The following DIP2C variants were observed in gnomAD, a reference collection of about 807,000 sequenced individuals.
DIP2C encodes disco-interacting protein 2 homolog C.
Under a neutral mutation model 192.4 loss-of-function variants are expected in DIP2C, and 33 were observed. The observed-to-expected ratio is 0.17, with a 90% CI of 0.13 to 0.23. DIP2C has a LOEUF of 0.23. Among genes scored for constraint, DIP2C ranks in the 10% least tolerant of loss-of-function variants. DIP2C has a pLI of 1.00. For missense variants in DIP2C, 1,537 were observed against 2,110.1 expected (o/e 0.73, Z 5.32); for synonymous variants, 979 against 864.1 (o/e 1.13, Z -2.33).
intron 29 of DIP2C, among the ~76,000 whole-genome samples, chr10:330,079 A>C (rs929575992): frequency 1.3e-5 from 2 of 152,218 alleles, no homozygotes; most frequent in Non-Finnish European, 2.9e-5. Flanking sequence ...AGTGGCTTTG[A>C]GCTGAGTGGT....
At chr10:545,468 CTTA>C (rs977616890) in intron 1 of DIP2C, among the ~76,000 whole-genome samples, 1 of 152,078 alleles carries the variant, frequency 6.6e-6, no homozygotes, top group Non-Finnish European at 1.5e-5. Flanking sequence ...GACTGGTGTT[CTTA>C]TAATAGAGAA....
At chr10:324,259 A>C (rs1023715393) in intron 31 of DIP2C, among the ~76,000 whole-genome samples, 2 of 152,230 alleles carry the variant, frequency 1.3e-5, no homozygotes, top group Non-Finnish European at 2.9e-5. Context: ...GTAAAATTTG[A>C]CATAGGCTGA....
chr10:648,360 A>G lies in DIP2C; in HGVS notation c.85+41134T>C, dbSNP rs543380858. ...ATTGGATGGTGGGAGAGAACAGAGC[A>G]AAACTGAGTCCACGTCCACACTGGA... On this transcript the variant is annotated intron_variant, in intron 1 of 36. Transcript: ENST00000280886. Among the ~76,000 whole-genome samples, 957 of 127,146 alleles carry G rather than the reference A, an allele frequency of 7.5e-3. 8 individuals carry two copies. The highest frequency in any genetic ancestry group is 0.026 in the African/African-American group (865 of 33,598). The allele number at this position is 127,146 out of a possible 152,430, so 83.4% of individuals were successfully genotyped here.
chr10:556,997 C>G (rs1033150941), intron 1 of DIP2C, among the ~76,000 whole-genome samples: 1 of 152,216 alleles, frequency 6.6e-6, no homozygotes, highest in African/African-American at 2.4e-5. Context: ...CAGGGCTTCT[C>G]AGATGGCCCA....
At chr10:285,479 C>T (rs543313465) in intron 34 of DIP2C, among the ~76,000 whole-genome samples, 136 of 152,318 alleles carry the variant, frequency 8.9e-4, no homozygotes, top group Admixed American at 1.4e-3. Flanking sequence ...CCGGGGTAAC[C>T]GGAGGGAGGG....
At chr10:283,242 T>TG (rs59023111) in intron 35 of DIP2C, 30 bp downstream of exon 35, 6 of 1,575,662 alleles carry the variant, frequency 3.8e-6, no homozygotes, top group Middle Eastern at 1.8e-4. Flanking sequence ...GCCCATCTGT[T>TG]GGGGGGGGGC....
At chr10:428,905 AT>A (rs1966761289) in intron 4 of DIP2C, among the ~76,000 whole-genome samples, 1 of 151,656 alleles carries the variant, frequency 6.6e-6, no homozygotes, top group South Asian at 2.1e-4. Flanking sequence ...CACCAGCAAA[AT>A]TTCTTCTATC....
At position 651,532 on chromosome 10, in the gene DIP2C, G is replaced by A. The variant is rs936970823; in HGVS notation, c.85+37962C>T. 1.0e-5 allele frequency: 5 copies of A among 476,256 alleles called. No individual in the cohort carries two copies. The highest frequency in any genetic ancestry group is 1.9e-5 in the Non-Finnish European group (5 of 256,744). 29.5% of individuals were successfully genotyped at this position (476,256 alleles called of 1,614,324 possible). A position where few individuals can be genotyped will look rare whatever the true frequency, so the allele number is the denominator to read the frequency against. On this transcript the variant is annotated intron_variant, in intron 1 of 36. Transcript: ENST00000280886. This position sits in a 1 kb window ranked among gnomAD's most constrained non-coding sequence, Gnocchi z 4.1. ...CACGTGAAGGTATTATGCAAAAAAAGCTTAACTTTGTTTCAGTGCCTTTCC... is the reference window on the plus strand; with the variant it reads ...CACGTGAAGGTATTATGCAAAAAAAACTTAACTTTGTTTCAGTGCCTTTCC...
intron 1 of DIP2C, among the ~76,000 whole-genome samples, chr10:578,793 G>A (rs543121446): frequency 1.9e-4 from 27 of 143,144 alleles, no homozygotes; most frequent in Admixed American, 7.4e-4. Flanking sequence ...AAGCATAAGT[G>A]CACTATAACA....
intron 1 of DIP2C, among the ~76,000 whole-genome samples, chr10:607,966 G>A (rs902591916): frequency 3.3e-5 from 5 of 151,666 alleles, no homozygotes; most frequent in East Asian, 1.9e-4. Flanking sequence ...TGAGGCTTGC[G>A]GCTACAGACA....
At chr10:443,495 G>A (rs1486020083) in intron 3 of DIP2C, among the ~76,000 whole-genome samples, 2 of 152,120 alleles carry the variant, frequency 1.3e-5, no homozygotes, top group Non-Finnish European at 2.9e-5. Flanking sequence ...TAGGAACCGG[G>A]TGTGCTGTCA....
chr10:530,173 C>G (rs190270570), intron 1 of DIP2C, among the ~76,000 whole-genome samples: 1 of 152,204 alleles, frequency 6.6e-6, no homozygotes, highest in Non-Finnish European at 1.5e-5. Flanking sequence ...CTTTGCTTCC[C>G]GTGAGGAGAT....
chr10:445,735 G>A (rs1049417776), intron 3 of DIP2C, among the ~76,000 whole-genome samples: 4 of 149,972 alleles, frequency 2.7e-5, no homozygotes, highest in African/African-American at 9.8e-5. Context: ...CTGAGCATCT[G>A]TATACACCTG....
chr10:459,371 G>C (rs1216075743), intron 3 of DIP2C, among the ~76,000 whole-genome samples: 2 of 35,478 alleles, frequency 5.6e-5, no homozygotes, highest in Non-Finnish European at 4.9e-4. Context: ...TGCTGTCCCA[G>C]AGGACACGGG....
intron 1 of DIP2C, among the ~76,000 whole-genome samples, chr10:593,702 C>T (rs939003953): frequency 2.0e-5 from 3 of 152,170 alleles, no homozygotes; most frequent in Non-Finnish European, 4.4e-5. Flanking sequence ...GGGGCACCAC[C>T]TGAACACAGC....
chr10:580,743 A>C (rs1245580411), intron 1 of DIP2C, among the ~76,000 whole-genome samples: 1 of 152,028 alleles, frequency 6.6e-6, no homozygotes, highest in Non-Finnish European at 1.5e-5. Flanking sequence ...TTTTTTTTCC[A>C]AACTGTAATA....
At chr10:314,955 C>T (rs1229692525) in intron 31 of DIP2C, among the ~76,000 whole-genome samples, 2 of 152,228 alleles carry the variant, frequency 1.3e-5, no homozygotes, top group African/African-American at 4.8e-5. Context: ...TTACTTTTCA[C>T]GTCCTTATTG....
chr10:521,002 CA>C (rs1846671026), intron 1 of DIP2C, among the ~76,000 whole-genome samples: 1 of 152,082 alleles, frequency 6.6e-6, no homozygotes, highest in South Asian at 2.1e-4. Flanking sequence ...ATCTATTAAT[CA>C]AATGGAAATA....
At chr10:525,316 A>G (rs903142718) in intron 1 of DIP2C, among the ~76,000 whole-genome samples, 1 of 152,200 alleles carries the variant, frequency 6.6e-6, no homozygotes, top group Non-Finnish European at 1.5e-5. Flanking sequence ...GCTATTCGGA[A>G]TGTGGTTTCT....
Sources: allele counts gnomAD v4.1 joint callset (sites outside exome capture counted in the v4.1 genomes callset), GRCh38; gene constraint gnomAD v4.1.1; non-coding constraint Gnocchi (gnomAD v3.1); transcripts MANE v1.5; gene names NCBI Gene and HGNC (gene_info 2026-07-23, HGNC 2026-07-21).